Variants in ROCK1 observed in about 807,000 individuals in gnomAD.
ROCK1 encodes rho-associated protein kinase 1.
Under a neutral mutation model 196.8 loss-of-function variants are expected in ROCK1, and 36 were observed. That is an observed-to-expected ratio of 0.18 (90% CI 0.14 to 0.24). The LOEUF (loss-of-function observed/expected upper bound fraction) is 0.24, where lower values mean the gene tolerates loss of function less well. ROCK1 is among the 10% of genes least tolerant of loss of function. The probability of loss-of-function intolerance (pLI) is 1.00; values close to 1 mark genes in which losing one functional copy is unlikely to be tolerated. For missense variants in ROCK1, 920 were observed against 1,562.0 expected, an observed-to-expected ratio of 0.59 and a Z score of 6.93; for synonymous variants, 443 against 515.9, an observed-to-expected ratio of 0.86 and a Z score of 1.91.
chr18:21,008,406 T>A (rs1195044044), intron 13 of ROCK1, among the ~76,000 whole-genome samples: 2 of 152,222 alleles, frequency 1.3e-5, no homozygotes, highest in Non-Finnish European at 2.9e-5. Context: ...CTTCTGTAGC[T>A]GGGACTACAG....
intron 9 of ROCK1, 73 bp from the exon 10 acceptor site, chr18:21,029,008 A>G (rs1040546646): frequency 7.2e-7 from 1 of 1,385,554 alleles, no homozygotes; most frequent in Non-Finnish European, 1.0e-6. Flanking sequence ...TTCCATACCA[A>G]CTACTGATGG....
intron 16 of ROCK1, among the ~76,000 whole-genome samples, chr18:20,998,968 G>C (rs554989396): frequency 2.6e-5 from 4 of 152,178 alleles, no homozygotes; most frequent in Admixed American, 6.5e-5. Context: ...TCAAAGAATA[G>C]AGGAGGAGAG....
At chr18:21,018,104 A>G (rs1359707893) in intron 12 of ROCK1, among the ~76,000 whole-genome samples, 1 of 152,146 alleles carries the variant, frequency 6.6e-6, no homozygotes, top group Non-Finnish European at 1.5e-5. Flanking sequence ...TTAAAGTTTC[A>G]TCTCAATTTT....
chr18:21,071,649 C>T (rs9948357), intron 1 of ROCK1, among the ~76,000 whole-genome samples: 121,320 of 152,092 alleles, frequency 0.8, 52,213 homozygotes, highest in Non-Finnish European at 0.96. Flanking sequence ...TATAAAGTCT[C>T]ACTCTTTAGT....
intron 29 of ROCK1, among the ~76,000 whole-genome samples, chr18:20,959,524 T>C (rs1035225601): frequency 1.1e-4 from 16 of 151,280 alleles, no homozygotes; most frequent in African/African-American, 3.9e-4. Context: ...CTTTCAAATA[T>C]TTTCTATCCA....
chr18:21,094,223 G>A (rs1233362631), intron 1 of ROCK1, among the ~76,000 whole-genome samples: 1 of 152,178 alleles, frequency 6.6e-6, no homozygotes, highest in Non-Finnish European at 1.5e-5. Context: ...TTGCATTTAA[G>A]CCCAAATTCT....
At chr18:21,045,552 A>C in intron 4 of ROCK1, 85 bp from the exon 5 acceptor site, 2 of 1,064,128 alleles carry the variant, frequency 1.9e-6, no homozygotes, top group Non-Finnish European at 2.6e-6. Flanking sequence ...AAATGTTAAT[A>C]AAAGATTTAA....
intron 1 of ROCK1, among the ~76,000 whole-genome samples, chr18:21,077,702 G>C (rs886566251): frequency 6.6e-6 from 1 of 152,082 alleles, no homozygotes; most frequent in African/African-American, 2.4e-5. Context: ...AGCATGCTAA[G>C]GAAAATCCTG....
At position 21,002,455 on chromosome 18, in the gene ROCK1, T is replaced by A. The variant is rs556820914; in HGVS notation, c.1885+3896A>T. Reference sequence around the variant, plus strand: ...ATATATTTTAAAAATTCACTAATCATCTTTGGAGGATGCCTGGGAAATAAC... The same window carrying A: ...ATATATTTTAAAAATTCACTAATCAACTTTGGAGGATGCCTGGGAAATAAC... On this transcript the variant is annotated intron_variant, in intron 16 of 32. Transcript: ENST00000399799. Among the ~76,000 whole-genome samples the A allele has an allele frequency of 1.4e-4, 21 of 152,290 alleles. No homozygotes were observed. In the South Asian group the frequency reaches 4.1e-3, roughly 30 times the overall value.
chr18:20,984,021 A>G (rs2035556409), intron 20 of ROCK1, among the ~76,000 whole-genome samples: 1 of 152,210 alleles, frequency 6.6e-6, no homozygotes, highest in African/African-American at 2.4e-5. Flanking sequence ...CCAAAGACAC[A>G]AAACAAAACG....
intron 8 of ROCK1, among the ~76,000 whole-genome samples, chr18:21,040,583 CTTAGACATGTGACAATTT>C: frequency 6.6e-6 from 1 of 152,264 alleles, no homozygotes; most frequent in East Asian, 1.9e-4. Flanking sequence ...GATAAGTTGG[CTTAGACATGTGACAATTT>C]TTCCAAGAAG....
intron 1 of ROCK1, among the ~76,000 whole-genome samples, chr18:21,071,225 C>T (rs369937383): frequency 1.5e-5 from 2 of 135,420 alleles, no homozygotes; most frequent in East Asian, 4.3e-4. Context: ...GTTGGCCAGG[C>T]TGGAGTGCAG....
Position 20,970,362 on chromosome 18 carries a change from GATCTTT to G in ROCK1, c.2800_2805del (p.Lys934_Asp935del). The stretch of plus-strand genomic sequence containing the variant: ...ATCACACTTACCCGACTAACAGTGT[GATCTTT>G]ATCTGTAATCTCTTGTCTATTTCTT... On this transcript the variant is annotated inframe_deletion, in exon 23 of 33. Coordinates refer to ENST00000399799, the MANE Select transcript of ROCK1 (RefSeq NM_005406.3). 1 of 1,613,526 alleles carries G rather than the reference GATCTTT, an allele frequency of 6.2e-7. No homozygotes were observed. The highest frequency in any genetic ancestry group is 8.5e-7 in the Non-Finnish European group (1 of 1,179,622).
At chr18:21,033,905 G>A (rs1220648847) in intron 9 of ROCK1, among the ~76,000 whole-genome samples, 2 of 134,054 alleles carry the variant, frequency 1.5e-5, no homozygotes, top group Non-Finnish European at 3.2e-5. Flanking sequence ...GTGCTGGCGG[G>A]TGCCTGTAGT....
chr18:21,047,569 G>A (rs1287362763), intron 4 of ROCK1, among the ~76,000 whole-genome samples: 9 of 152,072 alleles, frequency 5.9e-5, no homozygotes, highest in East Asian at 3.9e-4. Flanking sequence ...CGAGGCAGGC[G>A]GATCACGAGG....
chr18:21,091,888 T>C (rs1401851666), intron 1 of ROCK1, among the ~76,000 whole-genome samples: 3 of 148,928 alleles, frequency 2.0e-5, no homozygotes, highest in Non-Finnish European at 3.0e-5. Flanking sequence ...AAGGATCAGT[T>C]GAACCGGGGG....
intron 1 of ROCK1, among the ~76,000 whole-genome samples, chr18:21,089,505 G>A (rs574880053): frequency 2.0e-5 from 3 of 152,334 alleles, no homozygotes; most frequent in South Asian, 2.1e-4. Context: ...GGTTTGAAGC[G>A]TGAAAATCTA....
chr18:21,000,596 T>C (rs994843298), intron 16 of ROCK1, among the ~76,000 whole-genome samples: 1 of 152,114 alleles, frequency 6.6e-6, no homozygotes, highest in African/African-American at 2.4e-5. Flanking sequence ...GCCAAGACCA[T>C]TTACACAGGA....
intron 12 of ROCK1, 54 bp from the exon 13 acceptor site, chr18:21,015,533 G>C: frequency 1.8e-6 from 2 of 1,088,626 alleles, no homozygotes; most frequent in South Asian, 2.7e-5. Flanking sequence ...TTATTGCCCA[G>C]TGTTAAACAC....
Sources: allele counts gnomAD v4.1 joint callset (sites outside exome capture counted in the v4.1 genomes callset), GRCh38; gene constraint gnomAD v4.1.1; transcripts MANE v1.5; gene names NCBI Gene and HGNC (gene_info 2026-07-23, HGNC 2026-07-21).